Variants in KIF1A observed in about 807,000 individuals in gnomAD.
The protein encoded by KIF1A is kinesin family member 1A, also known as kinesin-like protein KIF1A.
KIF1A carries 46 observed loss-of-function variants against 227.3 expected under a neutral mutation model. That is an observed-to-expected ratio of 0.20 (90% confidence interval 0.16 to 0.26). The LOEUF is 0.26. KIF1A is among the 10% of genes least tolerant of loss of function. KIF1A has a pLI of 1.00. For synonymous variants in KIF1A, 1,022 were observed against 1,012.8 expected (o/e 1.01, Z -0.17); for missense variants, 1,683 against 2,485.9 (o/e 0.68, Z 6.87).
rs1386499449 is a variant in KIF1A, at chr2:240,782,538, ACACCG to A, written c.882+47_882+51del. 3 of 1,542,544 alleles carry A rather than the reference ACACCG, an allele frequency of 1.9e-6. No homozygotes were observed. In the African/African-American group the frequency reaches 4.1e-5, roughly 21 times the overall value. Reference sequence around the variant, plus strand: ...ACCACAGGGCGCCAATGCAGGGCAGACACCGCCACCAGCCTCCCGCACCTGCCCCG... The same window carrying A: ...ACCACAGGGCGCCAATGCAGGGCAGACCACCAGCCTCCCGCACCTGCCCCG... On this transcript the variant is annotated intron_variant, in intron 10 of 48. Transcript: ENST00000498729.
chr2:240,789,134 G>T lies in KIF1A; in HGVS notation c.183+102C>A. 2 of 953,156 alleles carry T rather than the reference G, an allele frequency of 2.1e-6. No individual in the cohort carries two copies. Among genetic ancestry groups the T allele is most frequent in the Non-Finnish European group, 1.7e-6 (1 of 600,002 alleles). 59.0% of individuals were successfully genotyped at this position (953,156 alleles called of 1,614,324 possible). ...GGAGCAGGGTGGGGTCCTCGCCCCA[G>T]TTAGAGAGGAATGAGCGGCTCAGAG... On this transcript the variant is annotated intron_variant, in intron 3 of 48. Coordinates refer to ENST00000498729, the MANE Select transcript of KIF1A (RefSeq NM_001244008.2). This position sits in a 1 kb window ranked among gnomAD's most constrained non-coding sequence, Gnocchi z 4.8.
At chr2:240,747,436 G>A (rs915146385) in intron 28 of KIF1A, 115 bp from the exon 29 acceptor site, 3 of 721,866 alleles carry the variant, frequency 4.2e-6, no homozygotes, top group Non-Finnish European at 7.0e-6. Flanking sequence ...GCCAGAGCAG[G>A]CAGCAGACCC....
In KIF1A at chr2:240,758,587, A is replaced by C; in HGVS notation, c.2445-90T>G. 25 of 1,334,510 alleles carry C rather than the reference A, an allele frequency of 1.9e-5. No individual in the cohort carries two copies. Among genetic ancestry groups the C allele is most frequent in the Non-Finnish European group, 2.5e-5 (25 of 1,019,114 alleles). 82.7% of individuals were successfully genotyped at this position (1,334,510 alleles called of 1,614,324 possible). A position where few individuals can be genotyped will look rare whatever the true frequency, so the allele number is the denominator to read the frequency against. On this transcript the variant is annotated intron_variant, in intron 25 of 48. Coordinates refer to ENST00000498729, the MANE Select transcript of KIF1A (RefSeq NM_001244008.2). This position sits in a 1 kb window ranked among gnomAD's most constrained non-coding sequence, Gnocchi z 5.2. ...CTTATCTCCTGGGGACAGTGGGCTC[A>C]GCCTAGCTCTGGCCACCACATCCAG...
chr2:240,729,606 G>A (rs1191844152), intron 38 of KIF1A, among the ~76,000 whole-genome samples: 1 of 152,238 alleles, frequency 6.6e-6, no homozygotes, highest in Non-Finnish European at 1.5e-5. Flanking sequence ...CTGGAGCCAG[G>A]CCTGGAGCTG....
At chr2:240,761,490 AC>A in intron 23 of KIF1A, 113 bp from the exon 24 acceptor site, 1 of 978,494 alleles carries the variant, frequency 1.0e-6, no homozygotes, top group Non-Finnish European at 1.4e-6. Context: ...GCCTAAGCTG[AC>A]CCTGTGCTCT....
intron 9 of KIF1A, 31 bp from the exon 10 acceptor site, chr2:240,782,638 G>A (rs2054220395): frequency 3.2e-6 from 5 of 1,550,672 alleles, no homozygotes; most frequent in Middle Eastern, 3.4e-4. Context: ...AGAGGCTGAG[G>A]CCCGGAGCGA....
chr2:240,786,772 A>T (rs1456561705), intron 5 of KIF1A, among the ~76,000 whole-genome samples: 56 of 59,048 alleles, frequency 9.5e-4, no homozygotes, highest in African/African-American at 2.1e-3. Flanking sequence ...AGGGGCCACC[A>T]TCAGGACCCC....
Position 240,766,749 on chromosome 2 carries a change from T to TCTCTCTCTCTCTCACACACACA in KIF1A, c.1684+165_1684+166insTGTGTGTGTGAGAGAGAGAGAG, listed in dbSNP as rs1454271542. On this transcript the variant is annotated intron_variant, in intron 19 of 48. Coordinates refer to ENST00000498729, the MANE Select transcript of KIF1A (RefSeq NM_001244008.2). This position sits in a 1 kb window ranked among gnomAD's most constrained non-coding sequence, Gnocchi z 5.0. ...CTCTCTCTCTCTCTCTCTCTCTCTCTCACACACACACACACACACACACAC... is the reference window on the plus strand; with the variant it reads ...CTCTCTCTCTCTCTCTCTCTCTCTCTCTCTCTCTCTCTCACACACACACACACACACACACACACACACACAC... Among the ~76,000 whole-genome samples, 5 of 108,974 alleles carry TCTCTCTCTCTCTCACACACACA rather than the reference T, an allele frequency of 4.6e-5. No individual in the cohort carries two copies. Among genetic ancestry groups the TCTCTCTCTCTCTCACACACACA allele is most frequent in the African/African-American group, 1.7e-4 (4 of 24,112 alleles). The allele number at this position is 108,974 out of a possible 152,430, so 71.5% of individuals were successfully genotyped here. A position where few individuals can be genotyped will look rare whatever the true frequency, so the allele number is the denominator to read the frequency against.
intron 1 of KIF1A, among the ~76,000 whole-genome samples, chr2:240,812,616 C>CG (rs1407524951): frequency 1.1e-4 from 9 of 85,106 alleles, no homozygotes; most frequent in East Asian, 3.5e-4. Flanking sequence ...GCCTTCACCT[C>CG]GGGATCTGCC....
At chr2:240,756,944 G>A (rs2125864708) in intron 27 of KIF1A, among the ~76,000 whole-genome samples, 1 of 152,338 alleles carries the variant, frequency 6.6e-6, no homozygotes, top group South Asian at 2.1e-4. Context: ...CCTGCACTGG[G>A]ACTTTCAGGG....
chr2:240,718,181 G>A lies in KIF1A; in HGVS notation c.5215-13C>T. 1 of 1,571,576 alleles carries A rather than the reference G, an allele frequency of 6.4e-7. No homozygotes were observed. The highest frequency in any genetic ancestry group is 1.8e-5 in the Admixed American group (1 of 55,724). On this transcript the variant is annotated splice_polypyrimidine_tract_variant and intron_variant, in intron 47 of 48. Transcript: ENST00000498729. The stretch of plus-strand genomic sequence containing the variant: ...ATGTGTTGGGTGTCTGCAGAGGGAG[G>A]CAGCTGGTGAGGAGGTGCCAGGCTC...
intron 48 of KIF1A, among the ~76,000 whole-genome samples, 154 bp downstream of exon 48, chr2:240,717,896 C>T (rs1429904170): frequency 6.6e-6 from 1 of 152,218 alleles, no homozygotes; most frequent in Non-Finnish European, 1.5e-5. Flanking sequence ...TGCGGCTGGC[C>T]CTACTGAATG....
In KIF1A at chr2:240,740,289, G is replaced by C. The variant is rs527731125; in HGVS notation, c.3816+9C>G. On this transcript the variant is annotated intron_variant, in intron 36 of 48. Transcript: ENST00000498729. The surrounding 1 kb of genome is among the most constrained non-coding windows in gnomAD (Gnocchi z 6.1). ...ACACAGGCAGGGTAGGGGCAAGAGGGGCTCACACCTGGTGGAGGAGGAAGG... is the reference window on the plus strand; with the variant it reads ...ACACAGGCAGGGTAGGGGCAAGAGGCGCTCACACCTGGTGGAGGAGGAAGG... 1.2e-6 allele frequency: 2 copies of C among 1,612,206 alleles called. No individual in the cohort carries two copies. Among genetic ancestry groups the C allele is most frequent in the East Asian group, 4.5e-5 (2 of 44,856 alleles).
intron 38 of KIF1A, chr2:240,728,350 A>G: frequency 1.6e-6 from 2 of 1,262,782 alleles, no homozygotes; most frequent in Middle Eastern, 2.2e-4. Flanking sequence ...GCAGAAGAGG[A>G]CAGACCAAGC....
intron 38 of KIF1A, among the ~76,000 whole-genome samples, chr2:240,732,124 G>GGAA (rs2046743557): frequency 4.0e-5 from 1 of 25,010 alleles, no homozygotes; most frequent in Non-Finnish European, 7.6e-5. Flanking sequence ...AGGGATGAGG[G>GGAA]GAGGGGAGGA....
In KIF1A at chr2:240,789,410, C is replaced by T. The variant is rs962729697; in HGVS notation, c.107-98G>A. The T allele has an allele frequency of 1.5e-5, 15 of 1,025,360 alleles. No individual in the cohort carries two copies. Among genetic ancestry groups the T allele is most frequent in the East Asian group, 9.7e-5 (4 of 41,252 alleles). The allele number at this position is 1,025,360 out of a possible 1,614,324, so 63.5% of individuals were successfully genotyped here. A position where few individuals can be genotyped will look rare whatever the true frequency, so the allele number is the denominator to read the frequency against. On this transcript the variant is annotated intron_variant, in intron 2 of 48. Coordinates refer to ENST00000498729, the MANE Select transcript of KIF1A (RefSeq NM_001244008.2). The surrounding 1 kb of genome is among the most constrained non-coding windows in gnomAD (Gnocchi z 4.8). The stretch of plus-strand genomic sequence containing the variant: ...GTGGGGAGATGGTCTTAAGAGGCCT[C>T]GGGCCCCAGACAAGCCAGGCCCCCA...
At chr2:240,777,823 A>G (rs568474661) in intron 10 of KIF1A, among the ~76,000 whole-genome samples, 2 of 152,206 alleles carry the variant, frequency 1.3e-5, no homozygotes, top group Non-Finnish European at 2.9e-5. Context: ...TGGCTCCTCA[A>G]CCAGTTCCTC....
chr2:240,813,162 C>A (rs535257440), intron 1 of KIF1A, among the ~76,000 whole-genome samples: 5 of 152,382 alleles, frequency 3.3e-5, no homozygotes, highest in South Asian at 2.1e-4. Context: ...GAGAAAAAAA[C>A]CACAGCAGGT....
At chr2:240,724,208 C>G (rs1479161973) in intron 40 of KIF1A, 172 bp from the exon 41 acceptor site, 7 of 646,688 alleles carry the variant, frequency 1.1e-5, no homozygotes, top group Admixed American at 2.4e-5. Context: ...ATCCCAGACT[C>G]CCTCCGGCCC....
Sources: allele counts gnomAD v4.1 joint callset (sites outside exome capture counted in the v4.1 genomes callset), GRCh38; gene constraint gnomAD v4.1.1; non-coding constraint Gnocchi (gnomAD v3.1); transcripts MANE v1.5; gene names NCBI Gene and HGNC (gene_info 2026-07-23, HGNC 2026-07-21).